BMPR1B: variants seen among roughly 807,000 people sequenced by gnomAD.
BMPR1B encodes the protein bone morphogenetic protein receptor type 1B, also known as bone morphogenetic protein receptor type-1B.
Under a neutral mutation model 59.1 loss-of-function variants are expected in BMPR1B, and 12 were observed. The ratio of observed to expected loss-of-function variants is 0.20; its 90% confidence interval spans 0.13 to 0.33. The LOEUF is 0.33. BMPR1B is among the 10% of genes least tolerant of loss of function. BMPR1B has a pLI of 1.00. For synonymous variants in BMPR1B, 237 were observed against 207.3 expected, an observed-to-expected ratio of 1.14 and a Z score of -1.23; for missense variants, 550 against 610.9, an observed-to-expected ratio of 0.90 and a Z score of 1.05.
At chr4:94,809,845 C>T (rs748845170) in intron 1 of BMPR1B, among the ~76,000 whole-genome samples, 10 of 152,286 alleles carry the variant, frequency 6.6e-5, no homozygotes, top group Non-Finnish European at 1.3e-4. Flanking sequence ...AGTTTTGAGG[C>T]AAAAGTAGTA....
intron 2 of BMPR1B, among the ~76,000 whole-genome samples, chr4:94,977,673 A>G (rs1441975994): frequency 2.6e-5 from 4 of 152,120 alleles, no homozygotes; most frequent in African/African-American, 9.7e-5. Flanking sequence ...CCTGGCCAAC[A>G]TAGTGAAACC....
Position 94,975,013 on chromosome 4 carries a change from C to T in BMPR1B, c.-112-21027C>T, listed in dbSNP as rs75175822. 5.1e-4 allele frequency among the ~76,000 whole-genome samples: 77 copies of T among 152,304 alleles called. No homozygotes were observed. The East Asian group carries it at 0.011, about 21-fold the overall frequency. ...AGCCCAAGATATAGCCAGGAAACCACTTCACTAACTGTAAAGAGCCAACAG... is the reference window on the plus strand; with the variant it reads ...AGCCCAAGATATAGCCAGGAAACCATTTCACTAACTGTAAAGAGCCAACAG... On this transcript the variant is annotated intron_variant, in intron 2 of 12. Coordinates refer to ENST00000515059, the MANE Select transcript of BMPR1B (RefSeq NM_001203.3).
At chr4:95,146,949 C>G (rs1734694847) in intron 10 of BMPR1B, among the ~76,000 whole-genome samples, 1 of 152,202 alleles carries the variant, frequency 6.6e-6, no homozygotes, top group Non-Finnish European at 1.5e-5. Context: ...TGACAATTTT[C>G]TATTATACCA....
At chr4:94,861,647 A>G (rs563272868) in intron 1 of BMPR1B, among the ~76,000 whole-genome samples, 2 of 152,322 alleles carry the variant, frequency 1.3e-5, no homozygotes, top group South Asian at 2.1e-4. Flanking sequence ...CTAGATTGCA[A>G]ACTTCTTGAG....
At chr4:94,884,416 C>T (rs1486836942) in intron 2 of BMPR1B, among the ~76,000 whole-genome samples, 2 of 151,980 alleles carry the variant, frequency 1.3e-5, no homozygotes, top group Non-Finnish European at 2.9e-5. Context: ...ATTCCAGCTG[C>T]TTGGGAGGCT....
At chr4:95,081,522 A>G (rs1178990870) in intron 3 of BMPR1B, among the ~76,000 whole-genome samples, 1 of 152,176 alleles carries the variant, frequency 6.6e-6, no homozygotes, top group Non-Finnish European at 1.5e-5. Context: ...TATCCACATA[A>G]CTGATCTGCA....
Position 94,836,730 on chromosome 4 carries a change from T to C in BMPR1B, c.-182-39101T>C, listed in dbSNP as rs189897674. ...GGTTGCCTGTTCACTCTGATGGTAGTTTCTTTTGCTGTACAGAAGCTCTTT... is the reference window on the plus strand; with the variant it reads ...GGTTGCCTGTTCACTCTGATGGTAGCTTCTTTTGCTGTACAGAAGCTCTTT... On this transcript the variant is annotated intron_variant, in intron 1 of 12. Coordinates refer to ENST00000515059, the MANE Select transcript of BMPR1B (RefSeq NM_001203.3). Among the ~76,000 whole-genome samples the C allele has an allele frequency of 8.4e-4, 124 of 147,560 alleles. 2 individuals carry two copies. In the East Asian group the frequency reaches 0.021, roughly 25 times the overall value.
chr4:94,776,391 T>C (rs1038122906), intron 1 of BMPR1B, among the ~76,000 whole-genome samples: 2 of 152,196 alleles, frequency 1.3e-5, no homozygotes, highest in African/African-American at 4.8e-5. Context: ...TTGGCGACCA[T>C]TGTGCCTTCC....
intron 1 of BMPR1B, among the ~76,000 whole-genome samples, chr4:94,869,447 T>C (rs988918481): frequency 2.0e-5 from 3 of 152,206 alleles, no homozygotes; most frequent in African/African-American, 7.2e-5. Context: ...TGTAGTCTCT[T>C]AAGTGTATAT....
chr4:95,058,036 T>C (rs1727060216), intron 3 of BMPR1B, among the ~76,000 whole-genome samples: 1 of 152,186 alleles, frequency 6.6e-6, no homozygotes, highest in South Asian at 2.1e-4. Flanking sequence ...GTGGCAGAAA[T>C]AATGTGTGAA....
chr4:94,970,239 T>TTCTTC (rs10591546), intron 2 of BMPR1B, among the ~76,000 whole-genome samples: 10,330 of 127,288 alleles, frequency 0.081, 676 homozygotes, highest in Middle Eastern at 0.11. Flanking sequence ...CTGTTTGTTT[T>TTCTTC]TCTTCTCTTC....
intron 1 of BMPR1B, among the ~76,000 whole-genome samples, chr4:94,855,488 C>G (rs1325340987): frequency 3.3e-5 from 5 of 152,188 alleles, no homozygotes; most frequent in Admixed American, 2.6e-4. Context: ...CTATGTCTAA[C>G]ATAGACCTTC....
intron 1 of BMPR1B, among the ~76,000 whole-genome samples, chr4:94,868,270 G>A (rs1401747074): frequency 6.6e-6 from 1 of 152,012 alleles, no homozygotes; most frequent in Non-Finnish European, 1.5e-5. Flanking sequence ...CCAGGCTCAA[G>A]TGATTCTCCT....
intron 1 of BMPR1B, among the ~76,000 whole-genome samples, chr4:94,851,001 G>A (rs769306188): frequency 7.9e-5 from 12 of 152,000 alleles, no homozygotes; most frequent in African/African-American, 2.7e-4. Context: ...ATCACTAAAC[G>A]TTTATTAGAT....
intron 3 of BMPR1B, among the ~76,000 whole-genome samples, chr4:95,061,987 C>A (rs1396364624): frequency 1.3e-5 from 2 of 152,090 alleles, no homozygotes; most frequent in Non-Finnish European, 2.9e-5. Context: ...CACTCACTGT[C>A]TCTCCTGCCG....
At chr4:94,854,194 A>C (rs1251435345) in intron 1 of BMPR1B, among the ~76,000 whole-genome samples, 1 of 151,974 alleles carries the variant, frequency 6.6e-6, no homozygotes, top group Non-Finnish European at 1.5e-5. Flanking sequence ...TGAAATGATA[A>C]AAAATGGACA....
At chr4:94,829,901 A>G (rs1170122878) in intron 1 of BMPR1B, among the ~76,000 whole-genome samples, 1 of 152,214 alleles carries the variant, frequency 6.6e-6, no homozygotes, top group Non-Finnish European at 1.5e-5. Flanking sequence ...AAGGATAAAC[A>G]GTAGCTTGGA....
intron 2 of BMPR1B, among the ~76,000 whole-genome samples, chr4:94,926,254 G>T (rs1480039570): frequency 6.6e-6 from 1 of 151,722 alleles, no homozygotes; most frequent in Non-Finnish European, 1.5e-5. Flanking sequence ...CAGGATATTT[G>T]GTGCTTTTCG....
intron 2 of BMPR1B, among the ~76,000 whole-genome samples, chr4:94,898,820 C>T (rs1357794298): frequency 6.6e-6 from 1 of 152,034 alleles, no homozygotes; most frequent in African/African-American, 2.4e-5. Flanking sequence ...GGGTCCCTCT[C>T]TCTCAAATTT....
Sources: allele counts gnomAD v4.1 joint callset (sites outside exome capture counted in the v4.1 genomes callset), GRCh38; gene constraint gnomAD v4.1.1; transcripts MANE v1.5; gene names NCBI Gene and HGNC (gene_info 2026-07-23, HGNC 2026-07-21).